Variants in ADGRF5 observed in about 807,000 individuals in gnomAD.
ADGRF5 encodes the protein adhesion G protein-coupled receptor F5.
A neutral mutation model predicts 132.3 loss-of-function variants in ADGRF5; 75 were observed. The observed-to-expected ratio is 0.57, with a 90% CI of 0.47 to 0.69. The LOEUF (loss-of-function observed/expected upper bound fraction) is 0.69, where lower values mean the gene tolerates loss of function less well. Among genes scored for constraint, ADGRF5 ranks in the 30% least tolerant of loss-of-function variants. The pLI is 0.00. For synonymous variants in ADGRF5, 629 were observed against 597.6 expected, an observed-to-expected ratio of 1.05 and a Z score of -0.77; for missense variants, 1,516 against 1,630.6, an observed-to-expected ratio of 0.93 and a Z score of 1.21.
intron 1 of ADGRF5, chr6:46,908,635 C>G (rs1201023418): frequency 6.6e-6 from 1 of 152,162 alleles, no homozygotes; most frequent in African/African-American, 2.4e-5. Context: ...CCCTTTTGTA[C>G]AGGCCATTGG....
At chr6:46,858,058 T>C (rs376559256) in intron 17 of ADGRF5, 71 bp downstream of exon 17, 2 of 1,173,502 alleles carry the variant, frequency 1.7e-6, no homozygotes, top group South Asian at 3.0e-5. Context: ...CCTACTCTTG[T>C]TTGTGTTTCT....
At chr6:46,882,252 A>G (rs375242224) in intron 6 of ADGRF5, 145 bp from the exon 7 acceptor site, 1 of 709,314 alleles carries the variant, frequency 1.4e-6, no homozygotes, top group Admixed American at 2.0e-5. Flanking sequence ...TGGGCATTAG[A>G]TTTCTGAAGA....
At chr6:46,932,689 C>A (rs1208997538) in intron 1 of ADGRF5, among the ~76,000 whole-genome samples, 1 of 152,202 alleles carries the variant, frequency 6.6e-6, no homozygotes, top group African/African-American at 2.4e-5. Context: ...AGATCAGTAT[C>A]ACCTTCTGGT....
intron 1 of ADGRF5, among the ~76,000 whole-genome samples, chr6:46,950,019 G>A (rs1233506036): frequency 6.6e-6 from 1 of 152,222 alleles, no homozygotes; most frequent in South Asian, 2.1e-4. Context: ...ACTCTAGCCT[G>A]ATGATATTTT....
At chr6:46,855,379 T>C (rs1768928319) in intron 20 of ADGRF5, among the ~76,000 whole-genome samples, 1 of 152,214 alleles carries the variant, frequency 6.6e-6, no homozygotes, top group Non-Finnish European at 1.5e-5. Context: ...CTCTATGAAG[T>C]CATAATTATT....
intron 3 of ADGRF5, among the ~76,000 whole-genome samples, chr6:46,895,801 A>G (rs996124511): frequency 6.6e-6 from 1 of 151,806 alleles, no homozygotes; most frequent in African/African-American, 2.4e-5. Flanking sequence ...CTAACCAATA[A>G]GAAACATCCA....
chr6:46,907,515 A>AT (rs1775512641), intron 1 of ADGRF5, among the ~76,000 whole-genome samples: 1 of 151,984 alleles, frequency 6.6e-6, no homozygotes, highest in African/African-American at 2.4e-5. Flanking sequence ...TTATGTGTTG[A>AT]TTTTTTAAAA....
At chr6:46,859,550 A>G (rs1769490992) in intron 16 of ADGRF5, 27 bp from the exon 17 acceptor site, 1 of 1,383,702 alleles carries the variant, frequency 7.2e-7, no homozygotes. Flanking sequence ...ATGGGGTCAA[A>G]CTAACCAAAT....
chr6:46,950,699 G>C (rs1374528718), intron 1 of ADGRF5, among the ~76,000 whole-genome samples: 2 of 152,150 alleles, frequency 1.3e-5, no homozygotes, highest in African/African-American at 4.8e-5. Context: ...ATTTTTAGTA[G>C]AGACGGGGTT....
At chr6:46,915,291 A>ATAATAATAATAT (rs1776331304) in intron 1 of ADGRF5, among the ~76,000 whole-genome samples, 1 of 150,310 alleles carries the variant, frequency 6.7e-6, no homozygotes, top group African/African-American at 2.5e-5. Context: ...GACTATTTTA[A>ATAATAATAATAT]TAATAATAAT....
At chr6:46,943,182 A>T (rs1326790951) in intron 1 of ADGRF5, among the ~76,000 whole-genome samples, 1 of 152,106 alleles carries the variant, frequency 6.6e-6, no homozygotes, top group Non-Finnish European at 1.5e-5. Flanking sequence ...TTGCCTGCTA[A>T]AGTAAGTAAG....
At chr6:46,869,923 A>C (rs1299911406) in intron 11 of ADGRF5, among the ~76,000 whole-genome samples, 2 of 152,114 alleles carry the variant, frequency 1.3e-5, no homozygotes, top group African/African-American at 4.8e-5. Flanking sequence ...TTCATGAAAA[A>C]TTACTAATCA....
chr6:46,867,028 T>A lies in ADGRF5; in HGVS notation c.1731A>T (p.Glu577Asp). The A allele has an allele frequency of 6.2e-7, 1 of 1,613,804 alleles. No homozygotes were observed. Among genetic ancestry groups the A allele is most frequent in the Non-Finnish European group, 8.5e-7 (1 of 1,179,676 alleles). ...GGGAACCACTGCATGAAACAGTAGC[T>A]TCCAAAGGATCAACCATGATGTTCA... The part of the protein sequence containing the change: ...LKLNIMVDPL[E>D]ATVSCSGSHH... The change falls in exon 13 of 21, where the codon GAA becomes GAT. Residue 577 changes from glutamate (E) to aspartate (D), a missense_variant. Coordinates refer to ENST00000283296, the MANE Select transcript of ADGRF5 (RefSeq NM_001098518.2).
intron 1 of ADGRF5, among the ~76,000 whole-genome samples, chr6:46,951,029 G>A (rs1778479857): frequency 6.6e-6 from 1 of 152,206 alleles, no homozygotes; most frequent in Non-Finnish European, 1.5e-5. Context: ...TATAGTCCAG[G>A]CTGATCTCAA....
At position 46,871,827 on chromosome 6, in the gene ADGRF5, T is replaced by C; in HGVS notation, c.1411+16A>G. On this transcript the variant is annotated intron_variant, in intron 11 of 20. Coordinates refer to ENST00000283296, the MANE Select transcript of ADGRF5 (RefSeq NM_001098518.2). ...GGAACCTATTTATGGCTAAAAATGC[T>C]AGGGAGAGTCCTTACCCACAGAGAT... The C allele has an allele frequency of 1.3e-6, 2 of 1,557,710 alleles. No homozygotes were observed. Among genetic ancestry groups the C allele is most frequent in the Non-Finnish European group, 1.8e-6 (2 of 1,140,066 alleles).
chr6:46,870,693 TC>T, intron 11 of ADGRF5: 1 of 237,696 alleles, frequency 4.2e-6, no homozygotes, highest in Non-Finnish European at 8.6e-6. Context: ...CTCTTGATTG[TC>T]TGATGAGATT....
chr6:46,884,037 C>T, intron 5 of ADGRF5, 58 bp downstream of exon 5: 1 of 1,354,504 alleles, frequency 7.4e-7, no homozygotes, highest in Non-Finnish European at 1.0e-6. Flanking sequence ...CCACCATGCC[C>T]AGTCGTAAAC....
At chr6:46,942,390 A>G (rs1338175963) in intron 1 of ADGRF5, among the ~76,000 whole-genome samples, 3 of 152,188 alleles carry the variant, frequency 2.0e-5, no homozygotes, top group East Asian at 3.9e-4. Flanking sequence ...GCAGCACGCT[A>G]TTAGAGATGC....
rs116125148 is a variant in ADGRF5, at chr6:46,874,899, G to A, written c.1241-2886C>T. 7.5e-3 allele frequency among the ~76,000 whole-genome samples: 1,135 copies of A among 152,302 alleles called. 15 individuals are homozygous for A. The highest frequency in any genetic ancestry group is 0.026 in the African/African-American group (1,084 of 41,542). ...ATTTTTGGTTGTTGTAACTGGAGAT[G>A]TTACTGGCATCTTGTAGGTACAGGC... is the stretch of plus-strand genomic sequence containing the variant. On this transcript the variant is annotated intron_variant, in intron 10 of 20. Coordinates refer to ENST00000283296, the MANE Select transcript of ADGRF5 (RefSeq NM_001098518.2).
Sources: allele counts gnomAD v4.1 joint callset (sites outside exome capture counted in the v4.1 genomes callset), GRCh38; gene constraint gnomAD v4.1.1; transcripts MANE v1.5; gene names NCBI Gene and HGNC (gene_info 2026-07-23, HGNC 2026-07-21).